DECR2: variants seen among roughly 807,000 people sequenced by gnomAD.
DECR2 encodes the protein 2,4-dienoyl-CoA reductase 2.
In DECR2, 34 loss-of-function variants were observed where a neutral mutation model predicts 29.2. The observed-to-expected ratio is 1.16, with a 90% CI of 0.89 to 1.55. The LOEUF (loss-of-function observed/expected upper bound fraction) is 1.55. Ranked by LOEUF, DECR2 falls within the 40% of genes most tolerant of loss-of-function variation. DECR2 has a pLI of 0.00. For missense variants in DECR2, 485 were observed against 425.3 expected, an observed-to-expected ratio of 1.14 and a Z score of -1.23; for synonymous variants, 224 against 182.7, an observed-to-expected ratio of 1.23 and a Z score of -1.82.
rs1300542206 is a variant in DECR2, at chr16:406,822, C to G, written c.201+425C>G. On this transcript the variant is annotated intron_variant, in intron 3 of 8. Transcript: ENST00000219481. Reference sequence around the variant, plus strand: ...GCCGGCACCTCAGCCTCCCAAAGTGCCAGGATTACAGGTGTGAATCACTGT... The same window carrying G: ...GCCGGCACCTCAGCCTCCCAAAGTGGCAGGATTACAGGTGTGAATCACTGT... The G allele has an allele frequency of 5.1e-6, 3 of 583,850 alleles. No individual in the cohort carries two copies. In the Admixed American group the frequency reaches 1.7e-4, roughly 34 times the overall value. The allele number at this position is 583,850 out of a possible 1,614,324, so 36.2% of individuals were successfully genotyped here. A position where few individuals can be genotyped will look rare whatever the true frequency, so the allele number is the denominator to read the frequency against.
intron 3 of DECR2, 164 bp downstream of exon 3, chr16:406,561 G>A (rs2054726646): frequency 4.3e-6 from 3 of 705,358 alleles, no homozygotes; most frequent in East Asian, 2.8e-5. Context: ...GTGGTGGTGC[G>A]ATCTCGGCTC....
rs372631767 is a variant in DECR2, at chr16:410,955, A to G, written c.557-17A>G. 2.5e-6 allele frequency: 4 copies of G among 1,584,884 alleles called. No homozygotes were observed. The highest frequency in any genetic ancestry group is 3.4e-6 in the Non-Finnish European group (4 of 1,165,702). ...AGGGCAGAGCGGCCCTTTCATATCCAACTTTCTTCTGTGCAGACGCGATGA... is the reference window on the plus strand; with the variant it reads ...AGGGCAGAGCGGCCCTTTCATATCCGACTTTCTTCTGTGCAGACGCGATGA... On this transcript the variant is annotated splice_polypyrimidine_tract_variant and intron_variant, in intron 6 of 8. Coordinates refer to ENST00000219481, the MANE Select transcript of DECR2 (RefSeq NM_020664.4). This position sits in a 1 kb window ranked among gnomAD's most constrained non-coding sequence, Gnocchi z 4.1.
Position 410,254 on chromosome 16 carries a change from A to T in DECR2, c.349A>T (p.Asn117Tyr). 6.2e-7 allele frequency: 1 copy of T among 1,613,062 alleles called. No homozygotes were observed. Among genetic ancestry groups the T allele is most frequent in the Non-Finnish European group, 8.5e-7 (1 of 1,179,650 alleles). Residue 117 changes from asparagine to tyrosine, a missense_variant, in exon 5 of 9, where the codon AAC becomes TAC. Physicochemically the swap from Asn to Tyr is moderately radical, Grantham distance 143 (BLOSUM62 -2). Transcript: ENST00000219481. This position sits in a 1 kb window ranked among gnomAD's most constrained non-coding sequence, Gnocchi z 4.1. Reference sequence around the variant, plus strand: ...CTCCCATTCTGCAGGTGCGGCCGGGAACTTCCTGTGCCCCGCTGGCGCCTT... The same window carrying T: ...CTCCCATTCTGCAGGTGCGGCCGGGTACTTCCTGTGCCCCGCTGGCGCCTT... ...IDILINCAAG[N>Y]FLCPAGALSF...
chr16:406,333 T>A lies in DECR2; in HGVS notation c.150-13T>A. 1 of 1,606,002 alleles carries A rather than the reference T, an allele frequency of 6.2e-7. No individual in the cohort carries two copies. Among genetic ancestry groups the A allele is most frequent in the Non-Finnish European group, 8.5e-7 (1 of 1,179,856 alleles). On this transcript the variant is annotated splice_polypyrimidine_tract_variant and intron_variant, in intron 2 of 8. Transcript: ENST00000219481. ...CGCCCACACTGCCCTCACACCTGCT[T>A]CTGGTTTTGCAGGCACGGCTGCCAT... is the stretch of plus-strand genomic sequence containing the variant.
chr16:402,499 G>A (rs2054679367), intron 1 of DECR2, among the ~76,000 whole-genome samples: 1 of 152,046 alleles, frequency 6.6e-6, no homozygotes, highest in Non-Finnish European at 1.5e-5. Flanking sequence ...GACCCAGAAG[G>A]CCCAGGAATG....
At chr16:407,767 G>GCCCCCT in intron 4 of DECR2, among the ~76,000 whole-genome samples, 13 of 144,008 alleles carry the variant, frequency 9.0e-5, no homozygotes, top group African/African-American at 2.6e-4. Context: ...CCTGTCTCCG[G>GCCCCCT]GCCCCTGTCT....
At chr16:408,613 T>C (rs1306391777) in intron 4 of DECR2, among the ~76,000 whole-genome samples, 1 of 151,024 alleles carries the variant, frequency 6.6e-6, no homozygotes, top group Non-Finnish European at 1.5e-5. Flanking sequence ...GCTCAAGCCA[T>C]CCTCCTGCCC....
rs1464364740 is a variant in DECR2 at position 405,177 on chromosome 16, C to T, written c.149+153C>T. ...GGTGCCTGCCAGAGGGACTGGGGAG[C>T]GGTCGAGGATTGCCCTGGGGGGAGT... On this transcript the variant is annotated intron_variant, in intron 2 of 8. Coordinates refer to ENST00000219481, the MANE Select transcript of DECR2 (RefSeq NM_020664.4). The T allele has an allele frequency of 2.2e-5, 20 of 900,038 alleles. No individual in the cohort carries two copies. The East Asian group carries it at 3.1e-4, about 14-fold the overall frequency. 55.8% of individuals were successfully genotyped at this position (900,038 alleles called of 1,614,324 possible).
At chr16:408,298 T>G (rs898860126) in intron 4 of DECR2, among the ~76,000 whole-genome samples, 1 of 151,678 alleles carries the variant, frequency 6.6e-6, no homozygotes, top group African/African-American at 2.4e-5. Flanking sequence ...CGGCCCCCTG[T>G]CTCCGGGCTT....
In DECR2 at chr16:410,792, C is replaced by A. The variant is rs778456055; in HGVS notation, c.556+8C>A. On this transcript the variant is annotated splice_region_variant and intron_variant, in intron 6 of 8. Coordinates refer to ENST00000219481, the MANE Select transcript of DECR2 (RefSeq NM_020664.4). The surrounding 1 kb of genome is among the most constrained non-coding windows in gnomAD (Gnocchi z 4.1). ...CCGCCAAGGCCGCTGTGGGTATGAC[C>A]ACCCCCCCCCGCCCAGGTTTGCCCA... The A allele has an allele frequency of 6.3e-7, 1 of 1,576,554 alleles. No homozygotes were observed. The highest frequency in any genetic ancestry group is 2.3e-5 in the East Asian group (1 of 43,030).
rs1410870710 is a variant in DECR2 at position 410,409 on chromosome 16, G to A, written c.462+42G>A. 17 of 1,591,850 alleles carry A rather than the reference G, an allele frequency of 1.1e-5. No individual in the cohort carries two copies. The highest frequency in any genetic ancestry group is 1.7e-5 in the Admixed American group (1 of 59,584). On this transcript the variant is annotated intron_variant, in intron 5 of 8. Coordinates refer to ENST00000219481, the MANE Select transcript of DECR2 (RefSeq NM_020664.4). This position sits in a 1 kb window ranked among gnomAD's most constrained non-coding sequence, Gnocchi z 4.1. ...CTCTGTGAGAAGTTCTTCCGGGTGG[G>A]TGCCTCGTGCGCTCTGTGAGAAGTT...
intron 2 of DECR2, among the ~76,000 whole-genome samples, chr16:406,019 AG>A (rs1214140703): frequency 6.6e-6 from 1 of 152,172 alleles, no homozygotes; most frequent in African/African-American, 2.4e-5. Flanking sequence ...CACAGGGAGA[AG>A]GGGGTGGAGA....
At chr16:407,325 C>A (rs962095691) in intron 3 of DECR2, 100 bp from the exon 4 acceptor site, 2 of 1,486,398 alleles carry the variant, frequency 1.3e-6, no homozygotes, top group Non-Finnish European at 8.9e-7. Context: ...AACCCAGGGT[C>A]CCCGAGGAAC....
In DECR2 at chr16:407,524, C is replaced by G. The variant is rs575230213; in HGVS notation, c.301C>G (p.Leu101Val). The G allele has an allele frequency of 6.2e-7, 1 of 1,613,942 alleles. No individual in the cohort carries two copies. Among genetic ancestry groups the G allele is most frequent in the Non-Finnish European group, 8.5e-7 (1 of 1,179,946 alleles). ...PAVMAAVDQA[L>V]KEFGRIDILI... is the part of the protein sequence containing the mutation. ...TGTCATGGCCGCCGTGGACCAGGCTCTGAAGGAGTTTGGCAGAATCGACAT... is the reference window on the plus strand; with the variant it reads ...TGTCATGGCCGCCGTGGACCAGGCTGTGAAGGAGTTTGGCAGAATCGACAT... Residue 101 changes from leucine (L) to valine (V), a missense_variant, in exon 4 of 9, where the codon CTG becomes GTG. Coordinates refer to ENST00000219481, the MANE Select transcript of DECR2 (RefSeq NM_020664.4).
intron 4 of DECR2, among the ~76,000 whole-genome samples, chr16:409,292 C>A (rs2054781073): frequency 6.6e-6 from 1 of 151,984 alleles, no homozygotes; most frequent in Non-Finnish European, 1.5e-5. Flanking sequence ...CTGCCTCAGT[C>A]CCCCAGTAGC....
intron 3 of DECR2, chr16:406,653 A>G: frequency 4.8e-6 from 3 of 625,416 alleles, no homozygotes; most frequent in South Asian, 3.6e-5. Flanking sequence ...GCCCGCCACC[A>G]CGCCTGGCTA....
chr16:405,106 T>A (rs745469298), intron 2 of DECR2, 82 bp downstream of exon 2: 25 of 1,544,148 alleles, frequency 1.6e-5, no homozygotes, highest in Admixed American at 1.0e-4. Flanking sequence ...TGGAAAGATG[T>A]TGGTGGGAGG....
Position 406,327 on chromosome 16 carries a change from C to T in DECR2, c.150-19C>T, listed in dbSNP as rs767154218. 1.9e-6 allele frequency: 3 copies of T among 1,605,288 alleles called. No homozygotes were observed. The highest frequency in any genetic ancestry group is 3.3e-5 in the Admixed American group (2 of 59,992). On this transcript the variant is annotated intron_variant, in intron 2 of 8. Coordinates refer to ENST00000219481, the MANE Select transcript of DECR2 (RefSeq NM_020664.4). ...GCCCCTCGCCCACACTGCCCTCACA[C>T]CTGCTTCTGGTTTTGCAGGCACGGC...
chr16:401,954 CG>C lies in DECR2; in HGVS notation c.-7del. 6.7e-7 allele frequency: 1 copy of C among 1,483,020 alleles called. No homozygotes were observed. The highest frequency in any genetic ancestry group is 1.5e-5 in the African/African-American group (1 of 68,742). 91.9% of individuals were successfully genotyped at this position (1,483,020 alleles called of 1,614,324 possible). A position where few individuals can be genotyped will look rare whatever the true frequency, so the allele number is the denominator to read the frequency against. ...CGCCCGTTGTCCCCGCAGTCCCCGACGGGAGCGCCATGGCCCAGCCGCCGCC... is the reference window on the plus strand; with the variant it reads ...CGCCCGTTGTCCCCGCAGTCCCCGACGGAGCGCCATGGCCCAGCCGCCGCC... On this transcript the variant is annotated 5_prime_UTR_variant, in exon 1 of 9. Transcript: ENST00000219481.
Sources: gnomAD v4.1 joint callset for allele counts (sites outside exome capture counted in the v4.1 genomes callset) on GRCh38, gnomAD v4.1.1 for gene constraint, Gnocchi (gnomAD v3.1) non-coding constraint, MANE v1.5 for transcripts, NCBI Gene and HGNC (gene_info 2026-07-23, HGNC 2026-07-21) for gene names.